GATM: variants seen among roughly 807,000 people sequenced by gnomAD.
The protein encoded by GATM is glycine amidinotransferase.
In GATM, 23 loss-of-function variants were observed where a neutral mutation model predicts 54.2. That is an observed-to-expected ratio of 0.42 (90% CI 0.31 to 0.60). The LOEUF is 0.60. GATM is among the 20% of genes least tolerant of loss of function. The probability of loss-of-function intolerance (pLI) is 0.14; values close to 1 mark genes in which losing one functional copy is unlikely to be tolerated. For synonymous variants in GATM, 168 were observed against 183.1 expected (o/e 0.92, Z 0.67); for missense variants, 401 against 544.9 (o/e 0.74, Z 2.63).
intron 2 of GATM, chr15:45,399,506 T>G (rs1478097074): frequency 6.5e-6 from 1 of 152,788 alleles, no homozygotes; most frequent in Admixed American, 6.5e-5. Context: ...TTCCACCATG[T>G]GCAGGTACAA....
chr15:45,399,384 G>A (rs1351363124), intron 2 of GATM, among the ~76,000 whole-genome samples: 4 of 152,190 alleles, frequency 2.6e-5, no homozygotes, highest in African/African-American at 7.2e-5. Context: ...CCCTTGAGAT[G>A]ATGGTAGTAG....
intron 4 of GATM, among the ~76,000 whole-genome samples, chr15:45,367,399 C>T (rs1170891574): frequency 2.0e-5 from 3 of 151,674 alleles, no homozygotes; most frequent in African/African-American, 7.3e-5. Context: ...TTCCATGAAC[C>T]GTACGGAAAG....
chr15:45,386,126 G>A (rs946191092), intron 3 of GATM, among the ~76,000 whole-genome samples: 2 of 152,152 alleles, frequency 1.3e-5, no homozygotes, highest in African/African-American at 4.8e-5. Flanking sequence ...CTAAAAGTGG[G>A]GTTGGAAGTG....
chr15:45,376,647 C>T lies in GATM; in HGVS notation c.242G>A (p.Gly81Asp). ...EWDPLEEVIVGRAENACVPPF... is the reference protein window; with the variant it reads ...EWDPLEEVIVDRAENACVPPF... ...TGGAACACAGGCGTTTTCTGCTCTGCCCACTATCACTTCCTCTAAGGGGTC... is the reference window on the plus strand; with the variant it reads ...TGGAACACAGGCGTTTTCTGCTCTGTCCACTATCACTTCCTCTAAGGGGTC... Residue 81 changes from glycine (G) to aspartate (D), a missense_variant, in exon 2 of 9, where the codon GGC becomes GAC. Gly to Asp is a moderately conservative substitution (Grantham distance 94). Around this residue, in one of 3 missense-constraint regions of GATM, gnomAD observed 321 missense variants for 457.5 expected, o/e 0.70. Coordinates refer to ENST00000396659, the MANE Select transcript of GATM (RefSeq NM_001482.3). 1.2e-6 allele frequency: 2 copies of T among 1,614,140 alleles called. No individual in the cohort carries two copies. The highest frequency in any genetic ancestry group is 1.7e-6 in the Non-Finnish European group (2 of 1,180,028).
chr15:45,373,593 T>C (rs1210384731), intron 2 of GATM, among the ~76,000 whole-genome samples: 1 of 152,140 alleles, frequency 6.6e-6, no homozygotes, highest in Non-Finnish European at 1.5e-5. Context: ...TAAAAAATTA[T>C]GCTTCCCAAC....
chr15:45,368,240 G>A lies in GATM; in HGVS notation c.505C>T (p.Arg169Ter), dbSNP rs397514708. ...ESTGLYSAMP[R>*]DILIVVGNEI... Reference sequence around the variant, plus strand: ...TTGCCCACAACTATCAGGATGTCTCGAGGCATTGCACTGTATAAACCTGTC... The same window carrying A: ...TTGCCCACAACTATCAGGATGTCTCAAGGCATTGCACTGTATAAACCTGTC... The change falls in exon 4 of 9, where the codon CGA (arginine) becomes TGA (stop). Residue 169 changes from arginine (R) to a stop codon, truncating the protein, a stop_gained. Coordinates refer to ENST00000396659, the MANE Select transcript of GATM (RefSeq NM_001482.3). LOFTEE classifies it high-confidence loss of function. The surrounding 1 kb of genome is among the most constrained non-coding windows in gnomAD (Gnocchi z 5.1). The A allele has an allele frequency of 3.1e-6, 5 of 1,613,794 alleles. No homozygotes were observed. The highest frequency in any genetic ancestry group is 2.2e-5 in the East Asian group (1 of 44,900).
At chr15:45,365,125 G>A (rs1052964512) in intron 6 of GATM, among the ~76,000 whole-genome samples, 2 of 152,152 alleles carry the variant, frequency 1.3e-5, no homozygotes, top group South Asian at 4.1e-4. Flanking sequence ...TCAGGTTTCA[G>A]AGACTTAAAA....
intron 2 of GATM, 167 bp from the exon 3 acceptor site, chr15:45,369,688 ACACT>A: frequency 1.5e-6 from 1 of 664,466 alleles, no homozygotes; most frequent in East Asian, 2.8e-5. Context: ...CTCTGGGCAG[ACACT>A]CAGTATCTGT....
At chr15:45,363,284 C>T (rs1023456087) in intron 8 of GATM, among the ~76,000 whole-genome samples, 1 of 151,676 alleles carries the variant, frequency 6.6e-6, no homozygotes, top group Non-Finnish European at 1.5e-5. Context: ...ACACACACAC[C>T]CCTTTATAAT....
chr15:45,392,758 G>A (rs887865172), intron 3 of GATM, among the ~76,000 whole-genome samples: 9 of 152,168 alleles, frequency 5.9e-5, no homozygotes, highest in Non-Finnish European at 1.2e-4. Flanking sequence ...TTTGCAGTAA[G>A]CATATTTTGT....
chr15:45,398,219 C>A (rs1213604351), intron 2 of GATM, among the ~76,000 whole-genome samples: 5 of 152,072 alleles, frequency 3.3e-5, no homozygotes, highest in African/African-American at 1.2e-4. Context: ...TAGTAACTAG[C>A]AAGAAGTAGA....
At chr15:45,378,774 G>A (rs549623580), upstream of GATM, 145 of 307,518 alleles carry the variant, frequency 4.7e-4, no homozygotes, top group African/African-American at 2.8e-3. Context: ...CCAGACCCGA[G>A]CGTCGCAAGA....
chr15:45,402,164 A>G, exon 1 of GATM: 2 of 506,142 alleles, frequency 4.0e-6, no homozygotes, highest in South Asian at 5.6e-5. Context: ...GCCGCCTCCC[A>G]GACACCTGTA....
chr15:45,388,363 C>T (rs557160825), intron 3 of GATM, among the ~76,000 whole-genome samples: 4 of 152,320 alleles, frequency 2.6e-5, no homozygotes, highest in African/African-American at 9.6e-5. Flanking sequence ...CTGTTATTGT[C>T]TTCCACAGCT....
intron 5 of GATM, 27 bp from the exon 6 acceptor site, chr15:45,366,237 C>T (rs374024706): frequency 2.5e-5 from 40 of 1,613,108 alleles, no homozygotes; most frequent in South Asian, 1.6e-4. Flanking sequence ...GACATACGAT[C>T]GATAAATATT....
Position 45,368,190 on chromosome 15 carries a change from T to C in GATM, c.555A>G (p.Ala185=), listed in dbSNP as rs755965943. The change falls in exon 4 of 9, where the codon GCA becomes GCG. Residue 185 remains alanine, a synonymous_variant. Coordinates refer to ENST00000396659, the MANE Select transcript of GATM (RefSeq NM_001482.3). The surrounding 1 kb of genome is among the most constrained non-coding windows in gnomAD (Gnocchi z 5.1). ...VGNEIIEAPM[A]WRSRFFEYRA... ...GGTACTCAAAGAAGCGTGAACGCCA[T>C]GCCATGGGAGCCTCGATAATCTCAT... The C allele has an allele frequency of 4.3e-6, 7 of 1,613,988 alleles. No homozygotes were observed. The highest frequency in any genetic ancestry group is 1.7e-5 in the Admixed American group (1 of 59,994).
chr15:45,394,223 T>A (rs1275261610), intron 3 of GATM, among the ~76,000 whole-genome samples: 1 of 152,152 alleles, frequency 6.6e-6, no homozygotes, highest in African/African-American at 2.4e-5. Flanking sequence ...GGAGTGTGAA[T>A]CTTACTATAT....
intron 1 of GATM, among the ~76,000 whole-genome samples, chr15:45,401,402 G>A (rs945016189): frequency 2.6e-5 from 4 of 152,208 alleles, no homozygotes; most frequent in African/African-American, 9.7e-5. Context: ...TGCAGTGAAA[G>A]TGGGGAAAAT....
At chr15:45,362,287 G>A (rs894809442) in intron 8 of GATM, 66 bp from the exon 9 acceptor site, 1 of 984,958 alleles carries the variant, frequency 1.0e-6, no homozygotes, top group Non-Finnish European at 1.6e-6. Flanking sequence ...GAGAAAGTAG[G>A]CCTACAGACT....
Sources: gnomAD v4.1 joint callset for allele counts (sites outside exome capture counted in the v4.1 genomes callset) on GRCh38, gnomAD v4.1.1 for gene constraint, gnomAD v4.1.1 regional missense constraint, Gnocchi (gnomAD v3.1) non-coding constraint, MANE v1.5 for transcripts, NCBI Gene and HGNC (gene_info 2026-07-23, HGNC 2026-07-21) for gene names.